Variants in C1QTNF3 observed in about 807,000 individuals in gnomAD.
The protein encoded by C1QTNF3 is C1q and TNF related 3.
Under a neutral mutation model 32.6 loss-of-function variants are expected in C1QTNF3, and 26 were observed. That is an observed-to-expected ratio of 0.80 (90% CI 0.58 to 1.11). The LOEUF is 1.11. C1QTNF3 is among the 50% of genes least tolerant of loss of function. C1QTNF3 has a pLI of 0.00. For missense variants in C1QTNF3, 362 were observed against 398.2 expected (o/e 0.91, Z 0.77); for synonymous variants, 155 against 146.0 (o/e 1.06, Z -0.44).
At chr5:34,173,889 C>G in the C1QTNF3 span, among the ~76,000 whole-genome samples, 4 of 151,676 alleles carry the variant, frequency 2.6e-5, no homozygotes, top group African/African-American at 4.9e-5. Context: ...GAATTAATTT[C>G]TAGAGATAAA....
the C1QTNF3 span, chr5:34,176,000 GTAA>G: frequency 2.8e-6 from 2 of 725,332 alleles, no homozygotes; most frequent in Admixed American, 4.0e-5. Flanking sequence ...TGGCAGAATT[GTAA>G]ATGTTAGATA....
the C1QTNF3 span, among the ~76,000 whole-genome samples, chr5:34,224,018 G>C: frequency 2.9e-4 from 44 of 152,068 alleles, no homozygotes; most frequent in Admixed American, 1.4e-3. Context: ...CAGACAATCA[G>C]AGAGCAAAAT....
At chr5:34,071,016 T>C in the C1QTNF3 span, among the ~76,000 whole-genome samples, 4 of 152,220 alleles carry the variant, frequency 2.6e-5, no homozygotes, top group African/African-American at 9.6e-5. Flanking sequence ...AAATTGTGGA[T>C]ATTCAATTAT....
At chr5:34,131,146 T>C in the C1QTNF3 span, among the ~76,000 whole-genome samples, 1 of 152,200 alleles carries the variant, frequency 6.6e-6, no homozygotes, top group Non-Finnish European at 1.5e-5. Context: ...TTCTAAAATA[T>C]AATGAAATAT....
In C1QTNF3 at chr5:34,038,471, C is replaced by T. The variant is rs545820753; in HGVS notation, c.304-2713G>A. Among the ~76,000 whole-genome samples the T allele has an allele frequency of 2.8e-4, 43 of 152,288 alleles. No homozygotes were observed. The South Asian group carries it at 5.8e-3, about 21-fold the overall frequency. ...TCTTATTAAAAAAAGAGAGAGAAGCCTCAGATCCAAGGTCTCTCTCTGACC... is the reference window on the plus strand; with the variant it reads ...TCTTATTAAAAAAAGAGAGAGAAGCTTCAGATCCAAGGTCTCTCTCTGACC... On this transcript the variant is annotated intron_variant, in intron 1 of 5. Coordinates refer to ENST00000382065, the MANE Select transcript of C1QTNF3 (RefSeq NM_181435.6).
the C1QTNF3 span, among the ~76,000 whole-genome samples, chr5:34,059,110 T>C: frequency 6.6e-6 from 1 of 152,220 alleles, no homozygotes; most frequent in Non-Finnish European, 1.5e-5. Flanking sequence ...TGTAACAAAG[T>C]ATGACAGACT....
the C1QTNF3 span, among the ~76,000 whole-genome samples, chr5:34,174,102 G>T: frequency 6.6e-6 from 1 of 152,216 alleles, no homozygotes; most frequent in Non-Finnish European, 1.5e-5. Flanking sequence ...CTGTCACCCA[G>T]GCGGGAGTGC....
At chr5:34,092,921 G>A in the C1QTNF3 span, among the ~76,000 whole-genome samples, 77,711 of 151,748 alleles carry the variant, frequency 0.51, 21,947 homozygotes, top group Non-Finnish European at 0.63. Flanking sequence ...TTTTATTTTA[G>A]AGAAAAACGA....
the C1QTNF3 span, among the ~76,000 whole-genome samples, chr5:34,204,679 A>C: frequency 6.6e-6 from 1 of 151,018 alleles, no homozygotes; most frequent in Non-Finnish European, 1.5e-5. Context: ...TAAAACCCTT[A>C]CTTCAACACT....
intron 3 of C1QTNF3, among the ~76,000 whole-genome samples, chr5:34,030,027 G>A (rs929946091): frequency 7.9e-5 from 12 of 152,018 alleles, no homozygotes; most frequent in South Asian, 4.1e-4. Flanking sequence ...AAGATATTAC[G>A]TAAATAACCT....
chr5:34,161,998 T>C, the C1QTNF3 span, among the ~76,000 whole-genome samples: 64 of 152,340 alleles, frequency 4.2e-4, no homozygotes, highest in Non-Finnish European at 8.5e-4. Context: ...TTTCTTCCTT[T>C]TATCCTTCAT....
chr5:34,055,108 G>A, the C1QTNF3 span, among the ~76,000 whole-genome samples: 4 of 152,106 alleles, frequency 2.6e-5, no homozygotes, highest in Non-Finnish European at 5.9e-5. Flanking sequence ...TTTTTCAGCA[G>A]GAACAGTTTG....
At chr5:34,209,316 C>T in the C1QTNF3 span, among the ~76,000 whole-genome samples, 2 of 151,398 alleles carry the variant, frequency 1.3e-5, no homozygotes, top group African/African-American at 2.4e-5. Context: ...TTTTCACTAA[C>T]GCGCATAGGC....
At chr5:34,027,847 G>C (rs1364824569) in intron 4 of C1QTNF3, among the ~76,000 whole-genome samples, 1 of 149,362 alleles carries the variant, frequency 6.7e-6, no homozygotes, top group African/African-American at 2.4e-5. Context: ...ATGAAGTAAT[G>C]ACGTGAAAAG....
At chr5:34,111,787 C>T in the C1QTNF3 span, among the ~76,000 whole-genome samples, 1 of 152,140 alleles carries the variant, frequency 6.6e-6, no homozygotes, top group Non-Finnish European at 1.5e-5. Flanking sequence ...ATTAGTGTTG[C>T]CCTGGTCATC....
chr5:34,176,137 TAAACTATCGCCAAG>T, the C1QTNF3 span, among the ~76,000 whole-genome samples: 1 of 151,568 alleles, frequency 6.6e-6, no homozygotes, highest in Non-Finnish European at 1.5e-5. Flanking sequence ...TCATTCTCAG[TAAACTATCGCCAAG>T]AACAAAAAAC....
At chr5:34,056,089 G>A in the C1QTNF3 span, among the ~76,000 whole-genome samples, 1 of 152,130 alleles carries the variant, frequency 6.6e-6, no homozygotes, top group Non-Finnish European at 1.5e-5. Context: ...ATCCTGAAAT[G>A]CATGATTCTA....
At chr5:34,237,070 G>A in the C1QTNF3 span, among the ~76,000 whole-genome samples, 1 of 152,176 alleles carries the variant, frequency 6.6e-6, no homozygotes, top group African/African-American at 2.4e-5. Flanking sequence ...TAGTCATGGT[G>A]TCAGATATAG....
At chr5:34,153,917 TG>T in the C1QTNF3 span, among the ~76,000 whole-genome samples, 1 of 150,214 alleles carries the variant, frequency 6.7e-6, no homozygotes, top group African/African-American at 2.5e-5. Context: ...AGATTATAGA[TG>T]TGTTAACTGA....
Sources: gnomAD v4.1 joint callset for allele counts (sites outside exome capture counted in the v4.1 genomes callset) on GRCh38, gnomAD v4.1.1 for gene constraint, MANE v1.5 for transcripts, NCBI Gene and HGNC (gene_info 2026-07-23, HGNC 2026-07-21) for gene names.